CTNNA2: variants seen among roughly 807,000 people sequenced by gnomAD.
CTNNA2 encodes catenin alpha 2, also known as catenin alpha-2.
Under a neutral mutation model 101.0 loss-of-function variants are expected in CTNNA2, and 42 were observed. The observed-to-expected ratio is 0.42, with a 90% CI of 0.32 to 0.54. The LOEUF (loss-of-function observed/expected upper bound fraction) is 0.54, where lower values mean the gene tolerates loss of function less well. Ranked by LOEUF, CTNNA2 falls within the 20% of genes least tolerant of loss-of-function variation. The pLI, the probability that CTNNA2 is intolerant of heterozygous loss-of-function variation, is 0.14. For synonymous variants in CTNNA2, 450 were observed against 456.4 expected, an observed-to-expected ratio of 0.99 and a Z score of 0.18; for missense variants, 871 against 1,223.1, an observed-to-expected ratio of 0.71 and a Z score of 4.29.
intron 2 of CTNNA2, among the ~76,000 whole-genome samples, chr2:79,280,967 A>G (rs1675362664): frequency 6.6e-6 from 1 of 152,182 alleles, no homozygotes; most frequent in Non-Finnish European, 1.5e-5. Flanking sequence ...CCCCTGCAGG[A>G]TCAGGCTGAA....
At chr2:79,455,567 T>C (rs1345586758) in intron 4 of CTNNA2, among the ~76,000 whole-genome samples, 1 of 152,202 alleles carries the variant, frequency 6.6e-6, no homozygotes, top group Non-Finnish European at 1.5e-5. Context: ...CACTCTCCCT[T>C]GTTGTTGTCT....
chr2:80,622,646 C>T (rs151164916), intron 18 of CTNNA2, among the ~76,000 whole-genome samples: 20 of 151,926 alleles, frequency 1.3e-4, no homozygotes, highest in East Asian at 3.9e-4. Flanking sequence ...TTCACACTGA[C>T]GAAGAACACT....
chr2:80,406,445 A>G (rs1433375653), intron 8 of CTNNA2, among the ~76,000 whole-genome samples: 1 of 152,128 alleles, frequency 6.6e-6, no homozygotes, highest in Admixed American at 6.5e-5. Flanking sequence ...ATGGACTCTG[A>G]GCAGACTTCT....
chr2:80,258,397 G>A (rs567522680), intron 7 of CTNNA2, among the ~76,000 whole-genome samples: 2 of 152,142 alleles, frequency 1.3e-5, no homozygotes, highest in African/African-American at 2.4e-5. Context: ...CTTTTTCTGC[G>A]GATCCTTGTC....
intron 7 of CTNNA2, among the ~76,000 whole-genome samples, chr2:79,910,665 C>G (rs1685727550): frequency 6.6e-6 from 1 of 152,156 alleles, no homozygotes; most frequent in Non-Finnish European, 1.5e-5. Flanking sequence ...AAGGAATGCC[C>G]TGTATAGCTA....
At position 79,671,229 on chromosome 2, in the gene CTNNA2, A is replaced by C. The variant is rs1682815407; in HGVS notation, c.102+19571A>C. Reference sequence around the variant, plus strand: ...TGTTAAAATGTTACAAGGAGAAAGAAATGCTACAGTAAGCCAAGGCTGGAT... The same window carrying C: ...TGTTAAAATGTTACAAGGAGAAAGACATGCTACAGTAAGCCAAGGCTGGAT... On this transcript the variant is annotated intron_variant, in intron 2 of 18. Transcript: ENST00000402739. 3.3e-5 allele frequency among the ~76,000 whole-genome samples: 5 copies of C among 151,632 alleles called. No homozygotes were observed. The South Asian group carries it at 1.1e-3, about 32-fold the overall frequency.
chr2:79,550,731 A>G (rs1674048909), intron 1 of CTNNA2, among the ~76,000 whole-genome samples: 2 of 152,180 alleles, frequency 1.3e-5, no homozygotes, highest in African/African-American at 4.8e-5. Flanking sequence ...CATTGTCTGA[A>G]TCTCAGCTAT....
At chr2:79,214,576 G>T (rs564103354) in intron 2 of CTNNA2, among the ~76,000 whole-genome samples, 1 of 152,242 alleles carries the variant, frequency 6.6e-6, no homozygotes, top group East Asian at 1.9e-4. Flanking sequence ...ATTGAGCGGG[G>T]TAAGGGTGAT....
chr2:80,034,462 T>C (rs1574596098), intron 7 of CTNNA2, among the ~76,000 whole-genome samples: 1 of 151,382 alleles, frequency 6.6e-6, no homozygotes, highest in South Asian at 2.1e-4. Context: ...CAAGCGATTC[T>C]CCTGCCTCAG....
chr2:79,410,029 T>C (rs1335419797), intron 4 of CTNNA2, among the ~76,000 whole-genome samples: 1 of 150,208 alleles, frequency 6.7e-6, no homozygotes, highest in East Asian at 2.0e-4. Context: ...CCCTTGTAAG[T>C]TGGATTCCTA....
intron 2 of CTNNA2, among the ~76,000 whole-genome samples, chr2:79,727,723 C>T (rs1159651102): frequency 9.1e-6 from 1 of 110,114 alleles, no homozygotes; most frequent in Admixed American, 1.1e-4. Flanking sequence ...GCTATCCCTC[C>T]CCCCTCCCCC....
intron 3 of CTNNA2, among the ~76,000 whole-genome samples, chr2:79,826,339 G>A (rs1196354825): frequency 6.6e-6 from 1 of 152,192 alleles, no homozygotes; most frequent in Non-Finnish European, 1.5e-5. Flanking sequence ...AAATTATCAG[G>A]ATGCAAAAAG....
intron 7 of CTNNA2, among the ~76,000 whole-genome samples, chr2:80,216,583 C>G (rs1708281125): frequency 6.6e-6 from 1 of 152,228 alleles, no homozygotes; most frequent in East Asian, 1.9e-4. Context: ...CTAGCTATCT[C>G]TCTTTTTACC....
chr2:79,714,070 TTG>T (rs1685915741), intron 2 of CTNNA2, among the ~76,000 whole-genome samples: 1 of 152,118 alleles, frequency 6.6e-6, no homozygotes, highest in African/African-American at 2.4e-5. Context: ...CCTGGTGCCT[TTG>T]TGTATGGCAC....
Position 80,647,758 on chromosome 2 carries a change from TG to T in CTNNA2, c.2749del (p.Val917Ter). ...KMKAPEKKPL[V>X]KREKPEEFQT... Reference sequence around the variant, plus strand: ...TGAAGGCTCCAGAGAAGAAGCCCCTTGTGAAGAGAGAAAAGCCTGAAGAATT... The same window carrying T: ...TGAAGGCTCCAGAGAAGAAGCCCCTTTGAAGAGAGAAAAGCCTGAAGAATT... On this transcript the variant is annotated frameshift_variant, in exon 19 of 19. Coordinates refer to ENST00000402739, the MANE Select transcript of CTNNA2 (RefSeq NM_001282597.3). LOFTEE classifies it high-confidence loss of function. 6.2e-7 allele frequency: 1 copy of T among 1,613,568 alleles called. No homozygotes were observed. The highest frequency in any genetic ancestry group is 8.5e-7 in the Non-Finnish European group (1 of 1,179,604).
At chr2:79,881,384 G>C (rs181116430) in intron 6 of CTNNA2, among the ~76,000 whole-genome samples, 2 of 152,128 alleles carry the variant, frequency 1.3e-5, no homozygotes, top group African/African-American at 2.4e-5. Context: ...CTGTCTTGTT[G>C]ATCTCTCTAA....
rs762342834 is a variant in CTNNA2, at chr2:79,934,217, CTT to C, written c.1056+24422_1056+24423del. Among the ~76,000 whole-genome samples, 186 of 152,150 alleles carry C rather than the reference CTT, an allele frequency of 1.2e-3. 1 individual carries two copies. The highest frequency in any genetic ancestry group is 2.1e-3 in the Non-Finnish European group (146 of 68,026). ...TAAAAAGAAATTCTATTTTCTCTGA[CTT>C]TGTGTTTGAATTAAGAAGATGAAAA... is the stretch of plus-strand genomic sequence containing the variant. On this transcript the variant is annotated intron_variant, in intron 7 of 18. Transcript: ENST00000402739.
At chr2:79,285,387 AT>A (rs1289226451) in intron 2 of CTNNA2, among the ~76,000 whole-genome samples, 3 of 149,430 alleles carry the variant, frequency 2.0e-5, no homozygotes, top group Non-Finnish European at 4.5e-5. Context: ...TCTTGTGGGC[AT>A]TTAGTGCTAT....
chr2:79,784,193 G>T (rs1439928511), intron 3 of CTNNA2, among the ~76,000 whole-genome samples: 1 of 152,088 alleles, frequency 6.6e-6, no homozygotes, highest in Non-Finnish European at 1.5e-5. Flanking sequence ...TACTTATTCA[G>T]AACCAGAGCT....
Sources: allele counts gnomAD v4.1 joint callset (sites outside exome capture counted in the v4.1 genomes callset), GRCh38; gene constraint gnomAD v4.1.1; transcripts MANE v1.5; gene names NCBI Gene and HGNC (gene_info 2026-07-23, HGNC 2026-07-21).